SSH2: variants seen among roughly 807,000 people sequenced by gnomAD.
SSH2 encodes slingshot protein phosphatase 2.
A neutral mutation model predicts 135.2 loss-of-function variants in SSH2; 37 were observed. That is an observed-to-expected ratio of 0.27 (90% confidence interval 0.21 to 0.36). SSH2 has a LOEUF of 0.36. SSH2 is among the 10% of genes least tolerant of loss of function. The pLI, the probability that SSH2 is intolerant of heterozygous loss-of-function variation, is 1.00. For missense variants in SSH2, 1,408 were observed against 1,765.3 expected, an observed-to-expected ratio of 0.80 and a Z score of 3.63; for synonymous variants, 628 against 646.2, an observed-to-expected ratio of 0.97 and a Z score of 0.43.
chr17:29,764,016 C>T (rs1381620915), intron 3 of SSH2, among the ~76,000 whole-genome samples: 1 of 150,548 alleles, frequency 6.6e-6, no homozygotes, highest in Non-Finnish European at 1.5e-5. Context: ...ATGGCGCGAT[C>T]TCAGCTCACT....
rs188097849 is a variant in SSH2, at chr17:29,701,869, C to A, written c.292+1090G>T. Reference sequence around the variant, plus strand: ...TACAGGTGTGAGCCACTGTGCCTGGCCACATTTGGCTAATTTAAAATTTTT... The same window carrying A: ...TACAGGTGTGAGCCACTGTGCCTGGACACATTTGGCTAATTTAAAATTTTT... On this transcript the variant is annotated intron_variant, in intron 4 of 15. Transcript: ENST00000540801. 3.5e-3 allele frequency among the ~76,000 whole-genome samples: 525 copies of A among 151,584 alleles called. 2 individuals are homozygous for A. The highest frequency in any genetic ancestry group is 4.7e-3 in the Non-Finnish European group (317 of 67,950).
chr17:29,814,840 G>A lies in SSH2; in HGVS notation c.145-20903C>T, dbSNP rs1439362138. Among the ~76,000 whole-genome samples, 3 of 151,904 alleles carry A rather than the reference G, an allele frequency of 2.0e-5. No homozygotes were observed. The East Asian group carries it at 5.8e-4, about 29-fold the overall frequency. On this transcript the variant is annotated intron_variant, in intron 2 of 15. Coordinates refer to ENST00000540801, the MANE Select transcript of SSH2 (RefSeq NM_001282129.2). ...TATAAATGATTACTTTCTTATATAT[G>A]ACCATCTATATTTTCTAAACTTCCT...
rs745665780 is a variant in SSH2 at position 29,632,467 on chromosome 17, C to T, written c.2727G>A (p.Glu909=). The change falls in exon 16 of 16, where the codon GAG becomes GAA. Residue 909 remains glutamate, a synonymous_variant. Coordinates refer to ENST00000540801, the MANE Select transcript of SSH2 (RefSeq NM_001282129.2). ...TACATGTTGGGGCAGCACCATGATG[C>T]TCTTGCTCCTGCCGTAAGCGCTCTT... ...EFEERLRQEQ[E]HHGAAPTCTS... 6.2e-7 allele frequency: 1 copy of T among 1,614,208 alleles called. No homozygotes were observed. Among genetic ancestry groups the T allele is most frequent in the South Asian group, 1.1e-5 (1 of 91,088 alleles).
At chr17:29,711,114 C>T (rs559622787) in intron 3 of SSH2, among the ~76,000 whole-genome samples, 43 of 152,242 alleles carry the variant, frequency 2.8e-4, no homozygotes, top group Admixed American at 4.6e-4. Flanking sequence ...AATTACCGGC[C>T]GAAGCAGAGA....
intron 1 of SSH2, among the ~76,000 whole-genome samples, chr17:29,869,289 T>C (rs1404659299): frequency 4.6e-5 from 7 of 152,166 alleles, no homozygotes; most frequent in African/African-American, 1.7e-4. Context: ...ATCTAGGGAC[T>C]TCAGTAATCA....
chr17:29,849,032 G>T (rs756744071), intron 1 of SSH2, 103 bp from the exon 2 acceptor site: 1 of 674,004 alleles, frequency 1.5e-6, no homozygotes, highest in African/African-American at 1.8e-5. Flanking sequence ...TTAGCTCACA[G>T]GTGAGAAGCT....
chr17:29,651,080 G>A (rs1484538787), intron 12 of SSH2, among the ~76,000 whole-genome samples: 3 of 152,050 alleles, frequency 2.0e-5, no homozygotes, highest in Admixed American at 6.6e-5. Context: ...TTATAAAATC[G>A]TATCCTTGAT....
intron 11 of SSH2, among the ~76,000 whole-genome samples, chr17:29,657,344 A>T (rs1175588653): frequency 6.6e-6 from 1 of 151,050 alleles, no homozygotes; most frequent in East Asian, 2.0e-4. Flanking sequence ...ATCTCGGCTC[A>T]CTGCAACCTC....
At chr17:29,881,533 G>A (rs955462371) in intron 1 of SSH2, among the ~76,000 whole-genome samples, 2 of 150,640 alleles carry the variant, frequency 1.3e-5, no homozygotes, top group African/African-American at 4.9e-5. Context: ...ACAGAGTCTT[G>A]CTCTGTCACT....
chr17:29,859,822 T>C (rs1211400578), intron 1 of SSH2, among the ~76,000 whole-genome samples: 1 of 152,148 alleles, frequency 6.6e-6, no homozygotes, highest in Non-Finnish European at 1.5e-5. Flanking sequence ...AAGGGGATTG[T>C]TGGGTCGAAT....
chr17:29,705,475 T>TA, intron 3 of SSH2, among the ~76,000 whole-genome samples: 1 of 152,274 alleles, frequency 6.6e-6, no homozygotes, highest in Non-Finnish European at 1.5e-5. Flanking sequence ...AAAAACTTCT[T>TA]AACAGGTCTA....
intron 4 of SSH2, 30 bp from the exon 5 acceptor site, chr17:29,695,553 T>A: frequency 6.3e-7 from 1 of 1,585,676 alleles, no homozygotes; most frequent in Non-Finnish European, 8.6e-7. Flanking sequence ...AAAGGATAAT[T>A]ATTCTCCATT....
intron 9 of SSH2, among the ~76,000 whole-genome samples, chr17:29,670,550 C>T: frequency 6.6e-6 from 1 of 152,030 alleles, no homozygotes; most frequent in Non-Finnish European, 1.5e-5. Context: ...AATCCCAGCA[C>T]TTTGGGAGGC....
At chr17:29,665,295 G>A (rs2037223882) in intron 11 of SSH2, among the ~76,000 whole-genome samples, 1 of 152,180 alleles carries the variant, frequency 6.6e-6, no homozygotes, top group Non-Finnish European at 1.5e-5. Flanking sequence ...ACACATACTG[G>A]TCAGTTAAAG....
At chr17:29,903,289 T>A (rs1323192547) in intron 1 of SSH2, among the ~76,000 whole-genome samples, 11 of 147,974 alleles carry the variant, frequency 7.4e-5, no homozygotes, top group Non-Finnish European at 7.5e-5. Flanking sequence ...ATTTAAAATA[T>A]ATATATATAA....
rs146917242 is a variant in SSH2, at chr17:29,888,171, G to A, written c.64-39242C>T. On this transcript the variant is annotated intron_variant, in intron 1 of 15. Transcript: ENST00000540801. Reference sequence around the variant, plus strand: ...GAGAATTACTTGAGCCCAGAAGGTTGAGGCTGCAGTGAGCCATGATCATGC... The same window carrying A: ...GAGAATTACTTGAGCCCAGAAGGTTAAGGCTGCAGTGAGCCATGATCATGC... Among the ~76,000 whole-genome samples, 134 of 152,278 alleles carry A rather than the reference G, an allele frequency of 8.8e-4. No individual in the cohort carries two copies. In the East Asian group the frequency reaches 0.023, roughly 26 times the overall value.
chr17:29,705,157 T>C (rs2039146668), intron 3 of SSH2, among the ~76,000 whole-genome samples: 1 of 152,194 alleles, frequency 6.6e-6, no homozygotes, highest in Non-Finnish European at 1.5e-5. Flanking sequence ...TCTAATCCAT[T>C]AGCAAGTCCT....
intron 1 of SSH2, among the ~76,000 whole-genome samples, chr17:29,869,607 C>G (rs140896093): frequency 0.017 from 2,521 of 152,208 alleles, 37 homozygotes; most frequent in South Asian, 0.049. Context: ...AATGAAAGAT[C>G]GGGGAACTGC....
intron 11 of SSH2, among the ~76,000 whole-genome samples, chr17:29,665,514 GA>G (rs2037233317): frequency 6.6e-6 from 1 of 152,186 alleles, no homozygotes; most frequent in Non-Finnish European, 1.5e-5. Flanking sequence ...GTCAGTTCCT[GA>G]GCATTTATTC....
Sources: allele counts gnomAD v4.1 joint callset (sites outside exome capture counted in the v4.1 genomes callset), GRCh38; gene constraint gnomAD v4.1.1; transcripts MANE v1.5; gene names NCBI Gene and HGNC (gene_info 2026-07-23, HGNC 2026-07-21).